NFIB: variants seen among roughly 807,000 people sequenced by gnomAD.
The protein encoded by NFIB is nuclear factor 1 B-type.
NFIB carries 11 observed loss-of-function variants against 61.5 expected under a neutral mutation model. The ratio of observed to expected loss-of-function variants is 0.18; its 90% confidence interval spans 0.11 to 0.30. The LOEUF (loss-of-function observed/expected upper bound fraction) is 0.30, where lower values mean the gene tolerates loss of function less well. Ranked by LOEUF, NFIB falls within the 10% of genes least tolerant of loss-of-function variation. NFIB has a pLI of 1.00. For synonymous variants in NFIB, 260 were observed against 216.5 expected, an observed-to-expected ratio of 1.20 and a Z score of -1.76; for missense variants, 471 against 608.9, an observed-to-expected ratio of 0.77 and a Z score of 2.38.
chr9:14,215,622 C>G (rs1253513190), intron 2 of NFIB, among the ~76,000 whole-genome samples: 1 of 152,090 alleles, frequency 6.6e-6, no homozygotes, highest in Non-Finnish European at 1.5e-5. Context: ...AAAGATTATT[C>G]TCAAGAAGTC....
At chr9:14,094,163 C>T (rs954207747) in intron 10 of NFIB, 1 of 151,964 alleles carries the variant, frequency 6.6e-6, no homozygotes, top group Non-Finnish European at 1.5e-5. Context: ...GTATTTCTAC[C>T]CACTAAACTT....
At chr9:14,420,904 A>G in the NFIB span, among the ~76,000 whole-genome samples, 2 of 152,146 alleles carry the variant, frequency 1.3e-5, no homozygotes, top group Non-Finnish European at 2.9e-5. Flanking sequence ...CACTAATTAT[A>G]TAAGCTTTTA....
chr9:14,151,740 A>G (rs1324687598), intron 4 of NFIB, among the ~76,000 whole-genome samples: 1 of 152,106 alleles, frequency 6.6e-6, no homozygotes, highest in African/African-American at 2.4e-5. Context: ...GGTTGGTGTC[A>G]AAGAACTCCT....
At chr9:14,122,435 T>C (rs765442141) in intron 7 of NFIB, among the ~76,000 whole-genome samples, 9 of 152,134 alleles carry the variant, frequency 5.9e-5, no homozygotes, top group Admixed American at 2.6e-4. Flanking sequence ...AAATGTATAT[T>C]TTAAATAAGT....
chr9:14,233,573 C>T (rs757162547), intron 2 of NFIB, among the ~76,000 whole-genome samples: 51 of 151,956 alleles, frequency 3.4e-4, no homozygotes, highest in Admixed American at 1.0e-3. Context: ...GGATTACAGG[C>T]CCAGGCCACC....
rs568827746 is a variant in NFIB at position 14,388,770 on chromosome 9, TAAAAC to T, written c.108+9749_108+9753del. On this transcript the variant is annotated intron_variant, in intron 1 of 8. Coordinates refer to the NFIB transcript ENST00000380934. ...CATTGTATTTCTTAAAAAATAAAAA[TAAAAC>T]AAATGTGGCAATAAGTTTATGTGTT... is the stretch of plus-strand genomic sequence containing the variant. Among the ~76,000 whole-genome samples the T allele has an allele frequency of 3.5e-3, 539 of 152,234 alleles. 1 individual carries two copies. The highest frequency in any genetic ancestry group is 0.012 in the African/African-American group (511 of 41,558).
chr9:14,417,774 G>GTTTTTTTT, the NFIB span, among the ~76,000 whole-genome samples: 4 of 91,782 alleles, frequency 4.4e-5, no homozygotes, highest in East Asian at 3.3e-4. Context: ...CCTAGGAACA[G>GTTTTTTTT]TTTTTTTTTT....
intron 3 of NFIB, among the ~76,000 whole-genome samples, chr9:14,173,372 A>C (rs895806035): frequency 2.0e-5 from 3 of 152,324 alleles, no homozygotes; most frequent in African/African-American, 7.2e-5. Flanking sequence ...GAACTCCTAC[A>C]AGACCTGCAT....
chr9:14,422,202 C>G, the NFIB span, among the ~76,000 whole-genome samples: 1 of 152,224 alleles, frequency 6.6e-6, no homozygotes, highest in Non-Finnish European at 1.5e-5. Flanking sequence ...AACTCCCCAT[C>G]TTCAGGTCTC....
At chr9:14,289,764 G>A (rs929491407) in intron 2 of NFIB, among the ~76,000 whole-genome samples, 2 of 151,846 alleles carry the variant, frequency 1.3e-5, no homozygotes, top group Non-Finnish European at 2.9e-5. Flanking sequence ...ATGAATAAGA[G>A]AAAACAGTCA....
intron 3 of NFIB, among the ~76,000 whole-genome samples, chr9:14,163,597 T>C (rs185532644): frequency 6.6e-6 from 1 of 151,956 alleles, no homozygotes; most frequent in Non-Finnish European, 1.5e-5. Flanking sequence ...AAACCCCACA[T>C]GCACCAAAAA....
intron 4 of NFIB, 73 bp from the exon 5 acceptor site, chr9:14,150,338 GA>G (rs2042727366): frequency 6.3e-7 from 1 of 1,599,230 alleles, no homozygotes; most frequent in South Asian, 1.1e-5. Context: ...TAATAATCGA[GA>G]ATCTTTCATG....
chr9:14,108,140 T>G (rs1015488605), intron 10 of NFIB, among the ~76,000 whole-genome samples: 9 of 152,130 alleles, frequency 5.9e-5, no homozygotes, highest in Non-Finnish European at 1.3e-4. Context: ...AAAAGTGACC[T>G]CTTATCCACT....
the NFIB span, among the ~76,000 whole-genome samples, chr9:14,515,654 G>T: frequency 8.5e-5 from 13 of 152,142 alleles, no homozygotes; most frequent in Non-Finnish European, 1.5e-4. Flanking sequence ...GCCTCTGAAC[G>T]TCTGAGGCCC....
intron 3 of NFIB, among the ~76,000 whole-genome samples, chr9:14,179,375 G>A (rs1011977366): frequency 7.2e-5 from 11 of 152,028 alleles, no homozygotes; most frequent in African/African-American, 2.4e-4. Flanking sequence ...TTGCAGTATG[G>A]AAATTTTTAC....
chr9:14,234,805 G>GTT (rs113148766), intron 2 of NFIB, among the ~76,000 whole-genome samples: 79,427 of 142,752 alleles, frequency 0.56, 22,342 homozygotes, highest in East Asian at 0.71. Context: ...TTTTTTTTTG[G>GTT]TTTTTTTTTT....
intron 8 of NFIB, among the ~76,000 whole-genome samples, chr9:14,117,546 T>C (rs1407409808): frequency 6.6e-6 from 1 of 152,050 alleles, no homozygotes; most frequent in Non-Finnish European, 1.5e-5. Context: ...AAATTACAAG[T>C]AGACATTTAT....
chr9:14,474,349 G>A, the NFIB span, among the ~76,000 whole-genome samples: 7 of 152,078 alleles, frequency 4.6e-5, no homozygotes, highest in Admixed American at 3.3e-4. Context: ...TTTTATAAGG[G>A]CATGAATTCC....
the NFIB span, among the ~76,000 whole-genome samples, chr9:14,457,627 A>C: frequency 6.6e-6 from 1 of 152,064 alleles, no homozygotes; most frequent in Admixed American, 6.5e-5. Flanking sequence ...TAGCAAGATT[A>C]ATAAAGAAGA....
Sources: gnomAD v4.1 joint callset for allele counts (sites outside exome capture counted in the v4.1 genomes callset) on GRCh38, gnomAD v4.1.1 for gene constraint, MANE v1.5 for transcripts, NCBI Gene and HGNC (gene_info 2026-07-23, HGNC 2026-07-21) for gene names.